Variants in COL4A4 observed in about 807,000 individuals in gnomAD.
The protein encoded by COL4A4 is collagen type IV alpha 4 chain.
Under a neutral mutation model 192.9 loss-of-function variants are expected in COL4A4, and 105 were observed. That is an observed-to-expected ratio of 0.54 (90% CI 0.46 to 0.64). The LOEUF (loss-of-function observed/expected upper bound fraction) is 0.64, where lower values mean the gene tolerates loss of function less well. Ranked by LOEUF, COL4A4 falls within the 30% of genes least tolerant of loss-of-function variation. The probability of loss-of-function intolerance (pLI) is 0.00; values close to 1 mark genes in which losing one functional copy is unlikely to be tolerated. For missense variants in COL4A4, 1,967 were observed against 2,169.3 expected (o/e 0.91, Z 1.85); for synonymous variants, 762 against 769.9 (o/e 0.99, Z 0.17).
intron 25 of COL4A4, among the ~76,000 whole-genome samples, chr2:227,065,203 G>C (rs1403727179): frequency 6.6e-6 from 1 of 152,230 alleles, no homozygotes; most frequent in Admixed American, 6.5e-5. Flanking sequence ...GGCGCACCAG[G>C]AGATCACATC....
At chr2:227,012,009 A>G (rs879812671) in intron 45 of COL4A4, among the ~76,000 whole-genome samples, 172 bp downstream of exon 45, 8 of 152,220 alleles carry the variant, frequency 5.3e-5, no homozygotes, top group Non-Finnish European at 1.0e-4. Flanking sequence ...AACATAAGAG[A>G]TGCATCCCAC....
At chr2:227,061,738 T>C (rs1977115202) in intron 26 of COL4A4, among the ~76,000 whole-genome samples, 2 of 152,182 alleles carry the variant, frequency 1.3e-5, no homozygotes, top group Non-Finnish European at 2.9e-5. Flanking sequence ...ATATCTTAGA[T>C]AGATTTTGGA....
At chr2:227,107,851 A>G (rs908613627) in intron 12 of COL4A4, among the ~76,000 whole-genome samples, 2 of 145,334 alleles carry the variant, frequency 1.4e-5, no homozygotes, top group Non-Finnish European at 3.0e-5. Context: ...TCCACCTCCC[A>G]GGTTCAAGCA....
rs766501515 is a variant in COL4A4, at chr2:227,010,524, T to C, written c.4334-23A>G. The C allele has an allele frequency of 2.6e-6, 4 of 1,521,010 alleles. No homozygotes were observed. Among genetic ancestry groups the C allele is most frequent in the South Asian group, 1.3e-5 (1 of 77,696 alleles). 94.2% of individuals were successfully genotyped at this position (1,521,010 alleles called of 1,614,324 possible). On this transcript the variant is annotated intron_variant, in intron 45 of 47. Transcript: ENST00000396625. ...GCCCTGGAGGAACAAAGGAAAAAAA[T>C]TGAAGGCAGGTTAGGGGGTTTGGTT...
At chr2:226,998,798 C>A (rs1004425330), downstream of COL4A4, 10 of 152,188 alleles carry the variant, frequency 6.6e-5, no homozygotes, top group Non-Finnish European at 1.5e-5. Flanking sequence ...GGATAAAGGT[C>A]AAAGTCATTA....
At chr2:227,146,826 G>A (rs1249021223) in intron 2 of COL4A4, among the ~76,000 whole-genome samples, 1 of 152,152 alleles carries the variant, frequency 6.6e-6, no homozygotes, top group Non-Finnish European at 1.5e-5. Context: ...TGTAGTCAAA[G>A]CTCCTTCTCC....
At chr2:227,144,794 C>T (rs2063439254) in intron 2 of COL4A4, among the ~76,000 whole-genome samples, 7 of 152,144 alleles carry the variant, frequency 4.6e-5, no homozygotes, top group Admixed American at 4.6e-4. Flanking sequence ...GTGTGGTCCT[C>T]ATTGTGCTGG....
intron 29 of COL4A4, 22 bp downstream of exon 29, chr2:227,057,417 C>A (rs1156625501): frequency 2.5e-6 from 4 of 1,588,278 alleles, no homozygotes; most frequent in Non-Finnish European, 3.4e-6. Flanking sequence ...GCCCCAGACC[C>A]TTCACAGTTC....
chr2:227,146,145 A>G (rs1389561675), intron 2 of COL4A4, among the ~76,000 whole-genome samples: 1 of 152,248 alleles, frequency 6.6e-6, no homozygotes, highest in Admixed American at 6.5e-5. Context: ...AAAGTTGGAC[A>G]ATATGCTCCA....
At chr2:226,973,381 G>A in the COL4A4 span, among the ~76,000 whole-genome samples, 17 of 152,188 alleles carry the variant, frequency 1.1e-4, no homozygotes, top group African/African-American at 3.9e-4. Context: ...GCCTGGGGGA[G>A]ATGTCTGGGC....
At chr2:226,995,694 C>T in the COL4A4 span, 14 of 608,998 alleles carry the variant, frequency 2.3e-5, no homozygotes, top group Non-Finnish European at 3.8e-5. Context: ...AGTCAACTCA[C>T]AGCTTGCGGG....
chr2:227,068,973 G>A (rs1184136437), intron 25 of COL4A4, among the ~76,000 whole-genome samples: 3 of 149,586 alleles, frequency 2.0e-5, no homozygotes, highest in East Asian at 2.0e-4. Flanking sequence ...AAACCCCATT[G>A]TCTCAGCCCA....
chr2:227,055,511 TAATAAAATAAAAA>T (rs1005210975), intron 30 of COL4A4, among the ~76,000 whole-genome samples: 2 of 151,610 alleles, frequency 1.3e-5, no homozygotes, highest in African/African-American at 4.8e-5. Flanking sequence ...AAAATAATAA[TAATAAAATAAAAA>T]AATAAAATAA....
chr2:227,160,764 G>C (rs2064762954), intron 1 of COL4A4, among the ~76,000 whole-genome samples: 1 of 152,168 alleles, frequency 6.6e-6, no homozygotes, highest in South Asian at 2.1e-4. Flanking sequence ...CAGAAAACTA[G>C]CTAGATAGCT....
chr2:227,073,730 G>A (rs1186788024), intron 25 of COL4A4, among the ~76,000 whole-genome samples: 2 of 152,034 alleles, frequency 1.3e-5, no homozygotes, highest in Admixed American at 6.6e-5. Flanking sequence ...AGAGAATCCA[G>A]AAACAAAGCC....
chr2:227,069,786 T>A (rs77240876), intron 25 of COL4A4, among the ~76,000 whole-genome samples: 99,046 of 149,384 alleles, frequency 0.66, 33,798 homozygotes, highest in African/African-American at 0.84. Context: ...ACCTAGGCAT[T>A]ACCATTCAGG....
chr2:227,058,288 C>A (rs6436648), intron 28 of COL4A4, among the ~76,000 whole-genome samples: 98,459 of 151,930 alleles, frequency 0.65, 32,476 homozygotes, highest in African/African-American at 0.77. Context: ...GTGTGTGTGT[C>A]TGTCTTTGTT....
intron 41 of COL4A4, among the ~76,000 whole-genome samples, chr2:227,028,304 C>T (rs1489876804): frequency 6.6e-6 from 1 of 152,140 alleles, no homozygotes; most frequent in African/African-American, 2.4e-5. Context: ...AGGACTGGAA[C>T]TGAAGGAAAA....
chr2:226,977,042 C>G, the COL4A4 span, among the ~76,000 whole-genome samples: 1 of 152,178 alleles, frequency 6.6e-6, no homozygotes, highest in Non-Finnish European at 1.5e-5. Context: ...AGGCTGGCCT[C>G]ACAAGTGAGA....
Sources: gnomAD v4.1 joint callset for allele counts (sites outside exome capture counted in the v4.1 genomes callset) on GRCh38, gnomAD v4.1.1 for gene constraint, MANE v1.5 for transcripts, NCBI Gene and HGNC (gene_info 2026-07-23, HGNC 2026-07-21) for gene names.